The following ANKFN1 variants were observed in gnomAD, a reference collection of about 807,000 sequenced individuals.
ANKFN1 encodes the protein ankyrin repeat and fibronectin type III domain containing 1.
In ANKFN1, 74 loss-of-function variants were observed where a neutral mutation model predicts 108.7. That is an observed-to-expected ratio of 0.68 (90% confidence interval 0.56 to 0.83). The LOEUF is 0.83. ANKFN1 is among the 40% of genes least tolerant of loss of function. ANKFN1 has a pLI of 0.00. For missense variants in ANKFN1, 1,505 were observed against 1,382.3 expected (o/e 1.09, Z -1.41); for synonymous variants, 547 against 516.2 (o/e 1.06, Z -0.81).
intron 1 of ANKFN1, among the ~76,000 whole-genome samples, chr17:56,200,455 A>G (rs1046533866): frequency 3.9e-5 from 6 of 152,232 alleles, no homozygotes; most frequent in Non-Finnish European, 7.3e-5. Context: ...AGGAGTGGTT[A>G]TCAAGCATTG....
At chr17:56,168,010 T>A (rs1302598223) in intron 1 of ANKFN1, among the ~76,000 whole-genome samples, 1 of 152,064 alleles carries the variant, frequency 6.6e-6, no homozygotes, top group Non-Finnish European at 1.5e-5. Context: ...CTCACACCTG[T>A]AATGCCAGCA....
At position 56,512,888 on chromosome 17, in the gene ANKFN1, G is replaced by C. The variant is rs1488233901; in HGVS notation, c.*1619G>C. 6.6e-6 allele frequency among the ~76,000 whole-genome samples: 1 copy of C among 152,150 alleles called. No individual in the cohort carries two copies. The highest frequency in any genetic ancestry group is 1.9e-4 in the East Asian group (1 of 5,202). On this transcript the variant is annotated 3_prime_UTR_variant, in exon 21 of 21. Transcript: ENST00000682825. ...GAGCTCAGACTTTATTTTTTTAAGA[G>C]ATTTTATACTCAATGAAACCCTCAA...
At chr17:56,136,473 A>G (rs1907606152) in intron 4 of ANKFN1, among the ~76,000 whole-genome samples, 1 of 152,240 alleles carries the variant, frequency 6.6e-6, no homozygotes, top group African/African-American at 2.4e-5. Flanking sequence ...TACACGTCAC[A>G]AAGACTGGGA....
chr17:56,492,360 G>A lies in ANKFN1; in HGVS notation c.2427+7G>A, dbSNP rs1405823274. On this transcript the variant is annotated splice_region_variant and intron_variant, in intron 19 of 20. Coordinates refer to ENST00000682825, the MANE Select transcript of ANKFN1 (RefSeq NM_001370326.1). ...AGTTTTAGATTTCATTCAGGTAATT[G>A]TTTGTTCCTTCTGGGGTAAAAGGAA... 2 of 700,532 alleles carry A rather than the reference G, an allele frequency of 2.9e-6. No homozygotes were observed. Among genetic ancestry groups the A allele is most frequent in the East Asian group, 2.7e-5 (1 of 37,218 alleles). 43.4% of individuals were successfully genotyped at this position (700,532 alleles called of 1,614,324 possible). A position where few individuals can be genotyped will look rare whatever the true frequency, so the allele number is the denominator to read the frequency against.
chr17:56,448,477 G>T lies in ANKFN1; in HGVS notation c.1100-602G>T, dbSNP rs2049368961. On this transcript the variant is annotated intron_variant, in intron 10 of 20. Coordinates refer to ENST00000682825, the MANE Select transcript of ANKFN1 (RefSeq NM_001370326.1). ...TATTTAGAGACTGAGCAGACAGGGT[G>T]GTTGGTGGCTCAGAGTATGTGCAGG... Among the ~76,000 whole-genome samples the T allele has an allele frequency of 2.0e-5, 3 of 152,332 alleles. No individual in the cohort carries two copies. In the South Asian group the frequency reaches 6.2e-4, roughly 32 times the overall value.
At chr17:56,394,607 G>A (rs1165113290) in intron 8 of ANKFN1, among the ~76,000 whole-genome samples, 2 of 152,214 alleles carry the variant, frequency 1.3e-5, no homozygotes, top group Non-Finnish European at 2.9e-5. Context: ...TGAACAAATG[G>A]CATCACTTAT....
intron 8 of ANKFN1, among the ~76,000 whole-genome samples, chr17:56,417,510 G>A (rs1309255991): frequency 6.6e-6 from 1 of 152,202 alleles, no homozygotes; most frequent in African/African-American, 2.4e-5. Flanking sequence ...CACTATATGT[G>A]TGGTACAAGT....
At chr17:56,055,566 C>CATAGATATATATATATAT (rs1555588763) in intron 4 of ANKFN1, among the ~76,000 whole-genome samples, 1 of 47,442 alleles carries the variant, frequency 2.1e-5, no homozygotes, top group Non-Finnish European at 3.5e-5. Context: ...GGTATATATA[C>CATAGATATATATATATAT]ATATATATAT....
intron 4 of ANKFN1, among the ~76,000 whole-genome samples, chr17:56,064,363 C>T (rs548883152): frequency 4.4e-4 from 67 of 152,320 alleles, no homozygotes; most frequent in African/African-American, 1.4e-3. Context: ...GCGGAGACTG[C>T]GGCCACCACT....
intron 8 of ANKFN1, among the ~76,000 whole-genome samples, chr17:56,400,708 T>G (rs528814909): frequency 3.3e-5 from 5 of 152,228 alleles, no homozygotes; most frequent in Non-Finnish European, 5.9e-5. Flanking sequence ...TCTAGAATTA[T>G]TATAGTTTTA....
intron 4 of ANKFN1, among the ~76,000 whole-genome samples, chr17:56,133,412 C>T (rs1214003562): frequency 6.6e-6 from 1 of 152,120 alleles, no homozygotes; most frequent in East Asian, 1.9e-4. Flanking sequence ...CCTCAGTTTG[C>T]TTTCGTCTCC....
intron 4 of ANKFN1, among the ~76,000 whole-genome samples, chr17:56,081,004 A>T (rs1044354264): frequency 6.6e-6 from 1 of 152,148 alleles, no homozygotes; most frequent in African/African-American, 2.4e-5. Flanking sequence ...TTGAGGGGCA[A>T]CTCACATCCA....
chr17:56,511,245 A>G lies in ANKFN1; in HGVS notation c.3417A>G (p.Ser1139=). 1 of 1,530,854 alleles carries G rather than the reference A, an allele frequency of 6.5e-7. No individual in the cohort carries two copies. Among genetic ancestry groups the G allele is most frequent in the South Asian group, 1.2e-5 (1 of 83,366 alleles). 94.8% of individuals were successfully genotyped at this position (1,530,854 alleles called of 1,614,324 possible). Residue 1139 remains serine, a synonymous_variant, in exon 21 of 21, where the codon TCA becomes TCG. Transcript: ENST00000682825. ...AGGGCCCCACCGCCTCTCCCATGTC[A>G]GAAATACTCAGCAGCATGCTTTAGG... ...SQEGPTASPM[S]EILSSML
At chr17:56,314,753 T>G (rs9900375) in intron 3 of ANKFN1, among the ~76,000 whole-genome samples, 70,280 of 151,960 alleles carry the variant, frequency 0.46, 17,314 homozygotes, top group African/African-American at 0.64. Context: ...CCTACAATGG[T>G]TCTCAAGCTC....
chr17:56,114,365 G>A (rs1906145196), intron 4 of ANKFN1, among the ~76,000 whole-genome samples: 1 of 152,178 alleles, frequency 6.6e-6, no homozygotes, highest in African/African-American at 2.4e-5. Flanking sequence ...TAACACACAT[G>A]TGAAAAGATG....
chr17:56,155,647 C>T (rs1019413298), intron 1 of ANKFN1, among the ~76,000 whole-genome samples: 7 of 152,064 alleles, frequency 4.6e-5, no homozygotes, highest in African/African-American at 1.7e-4. Context: ...AAGTATGAGG[C>T]TCTTGATTTG....
intron 3 of ANKFN1, among the ~76,000 whole-genome samples, chr17:56,314,253 G>T (rs949304494): frequency 6.6e-6 from 1 of 152,148 alleles, no homozygotes; most frequent in Non-Finnish European, 1.5e-5. Flanking sequence ...AATTCTTTCC[G>T]TGAGCATTTA....
chr17:56,384,061 T>G (rs1425345795), intron 8 of ANKFN1, among the ~76,000 whole-genome samples: 1 of 152,064 alleles, frequency 6.6e-6, no homozygotes, highest in Non-Finnish European at 1.5e-5. Flanking sequence ...TTGATGAACA[T>G]TGATGCAAAA....
intron 14 of ANKFN1, among the ~76,000 whole-genome samples, chr17:56,464,080 G>A (rs1055427336): frequency 6.6e-6 from 1 of 152,160 alleles, no homozygotes; most frequent in Admixed American, 6.5e-5. Context: ...AAAGAACCTT[G>A]AATTCTCCCT....
Sources: allele counts gnomAD v4.1 joint callset (sites outside exome capture counted in the v4.1 genomes callset), GRCh38; gene constraint gnomAD v4.1.1; transcripts MANE v1.5; gene names NCBI Gene and HGNC (gene_info 2026-07-23, HGNC 2026-07-21).